The following ENPP6 variants were observed in gnomAD, a reference collection of about 807,000 sequenced individuals.
ENPP6 encodes ectonucleotide pyrophosphatase/phosphodiesterase 6, also known as glycerophosphocholine cholinephosphodiesterase ENPP6.
A neutral mutation model predicts 42.0 loss-of-function variants in ENPP6; 32 were observed. That is an observed-to-expected ratio of 0.76 (90% CI 0.58 to 1.02). The LOEUF (loss-of-function observed/expected upper bound fraction) is 1.02, where lower values mean the gene tolerates loss of function less well. Among genes scored for constraint, ENPP6 ranks in the 50% least tolerant of loss-of-function variants. The probability of loss-of-function intolerance (pLI) is 0.00; values close to 1 mark genes in which losing one functional copy is unlikely to be tolerated. For missense variants in ENPP6, 552 were observed against 566.8 expected, an observed-to-expected ratio of 0.97 and a Z score of 0.27; for synonymous variants, 213 against 216.0, an observed-to-expected ratio of 0.99 and a Z score of 0.12.
At chr4:184,131,163 T>TTC in intron 2 of ENPP6, among the ~76,000 whole-genome samples, 1 of 54,734 alleles carries the variant, frequency 1.8e-5, no homozygotes, top group African/African-American at 8.3e-5. Context: ...CTTTCTTTCT[T>TTC]TCTTTCTTTC....
intron 1 of ENPP6, among the ~76,000 whole-genome samples, chr4:184,164,219 G>A (rs977057207): frequency 9.2e-5 from 14 of 152,172 alleles, no homozygotes; most frequent in African/African-American, 2.9e-4. Flanking sequence ...GATACTCTCC[G>A]GGCTAGATTG....
intron 1 of ENPP6, among the ~76,000 whole-genome samples, chr4:184,175,988 T>A (rs1737556242): frequency 6.6e-6 from 1 of 152,128 alleles, no homozygotes; most frequent in South Asian, 2.1e-4. Flanking sequence ...GAGGTCTCAC[T>A]ATGTTGCCCA....
chr4:184,094,007 C>A (rs953331936), intron 7 of ENPP6, among the ~76,000 whole-genome samples: 1 of 152,044 alleles, frequency 6.6e-6, no homozygotes, highest in African/African-American at 2.4e-5. Context: ...TGGCTGGGCA[C>A]TATGGCTCAC....
chr4:184,212,130 T>C (rs1733123000), intron 1 of ENPP6, among the ~76,000 whole-genome samples: 1 of 151,864 alleles, frequency 6.6e-6, no homozygotes, highest in Non-Finnish European at 1.5e-5. Flanking sequence ...ACAGCCAATA[T>C]CATACTGAAT....
At chr4:184,143,492 G>A (rs112665106) in intron 2 of ENPP6, among the ~76,000 whole-genome samples, 1,593 of 152,284 alleles carry the variant, frequency 0.01, 30 homozygotes, top group South Asian at 0.038. Flanking sequence ...AATCAGCTCC[G>A]CCTCTGCCTC....
intron 2 of ENPP6, among the ~76,000 whole-genome samples, chr4:184,147,475 T>C (rs1736945889): frequency 6.6e-6 from 1 of 152,206 alleles, no homozygotes; most frequent in Admixed American, 6.5e-5. Flanking sequence ...TTCTCATTCA[T>C]TTCACGATCA....
rs1300066061 is a variant in ENPP6 at position 184,157,582 on chromosome 4, T to A, written c.242-3849A>T. 2.0e-5 allele frequency among the ~76,000 whole-genome samples: 3 copies of A among 150,674 alleles called. No homozygotes were observed. The East Asian group carries it at 5.8e-4, about 29-fold the overall frequency. On this transcript the variant is annotated intron_variant, in intron 1 of 7. Coordinates refer to ENST00000296741, the MANE Select transcript of ENPP6 (RefSeq NM_153343.4). ...CTTTCTTTCCTTTCTTTCCTTTTTT[T>A]CCTTCCTTTCCTTTCTTTCCTTCCT...
At chr4:184,201,135 C>G (rs547035425) in intron 1 of ENPP6, among the ~76,000 whole-genome samples, 4 of 152,194 alleles carry the variant, frequency 2.6e-5, no homozygotes, top group Admixed American at 2.6e-4. Context: ...ACCCCCAGCT[C>G]TGCCCCAGGT....
intron 2 of ENPP6, among the ~76,000 whole-genome samples, chr4:184,143,580 T>C (rs1736866902): frequency 6.6e-6 from 1 of 152,214 alleles, no homozygotes; most frequent in Non-Finnish European, 1.5e-5. Flanking sequence ...TCGTGGCCTC[T>C]CCCGCTGTGC....
At chr4:184,176,515 G>T (rs59926116) in intron 1 of ENPP6, among the ~76,000 whole-genome samples, 1 of 152,174 alleles carries the variant, frequency 6.6e-6, no homozygotes, top group East Asian at 1.9e-4. Context: ...GCAGTGTGCC[G>T]TATTGCATCT....
intron 7 of ENPP6, among the ~76,000 whole-genome samples, chr4:184,096,383 A>G (rs1735901975): frequency 6.6e-6 from 1 of 152,250 alleles, no homozygotes; most frequent in African/African-American, 2.4e-5. Context: ...GAATACAGGT[A>G]TCAGGGTAAG....
At chr4:184,148,051 T>C (rs1328700557) in intron 2 of ENPP6, among the ~76,000 whole-genome samples, 3 of 152,216 alleles carry the variant, frequency 2.0e-5, no homozygotes, top group African/African-American at 4.8e-5. Flanking sequence ...AGACTCCTTA[T>C]TAGATGATGT....
rs1457944085 is a variant in ENPP6 at position 184,131,255 on chromosome 4, T to C, written c.422-6983A>G. 1.8e-3 allele frequency among the ~76,000 whole-genome samples: 46 copies of C among 25,530 alleles called. 2 individuals carry two copies. Among genetic ancestry groups the C allele is most frequent in the African/African-American group, 3.4e-3 (20 of 5,928 alleles). 16.7% of individuals were successfully genotyped at this position (25,530 alleles called of 152,430 possible). A position where few individuals can be genotyped will look rare whatever the true frequency, so the allele number is the denominator to read the frequency against. ...CTTTCCTTTTCTTTCTTTCTTTCTC[T>C]TTCTCTTCCTTCCTTCCTTCCTTCC... On this transcript the variant is annotated intron_variant, in intron 2 of 7. Coordinates refer to ENST00000296741, the MANE Select transcript of ENPP6 (RefSeq NM_153343.4).
Position 184,091,252 on chromosome 4 carries a change from G to A in ENPP6, c.1248C>T (p.Gly416=). 1 of 1,607,586 alleles carries A rather than the reference G, an allele frequency of 6.2e-7. No homozygotes were observed. Residue 416 remains glycine (G), a synonymous_variant, in exon 8 of 8, where the codon GGC becomes GGT. Coordinates refer to ENST00000296741, the MANE Select transcript of ENPP6 (RefSeq NM_153343.4). ...SWSRVMCMLK[G]RASTAPPVWP... ...AGACAGGCGGGGCAGTGCTGGCGCG[G>A]CCCTTCAGCATGCACATCACCCTGG...
intron 1 of ENPP6, among the ~76,000 whole-genome samples, chr4:184,156,304 T>C (rs1737158127): frequency 2.0e-5 from 3 of 152,190 alleles, no homozygotes; most frequent in Admixed American, 6.5e-5. Context: ...CTGCAGTCTG[T>C]GCTTGGAACA....
intron 2 of ENPP6, among the ~76,000 whole-genome samples, chr4:184,136,644 A>G (rs1050572433): frequency 6.6e-6 from 1 of 152,178 alleles, no homozygotes; most frequent in Non-Finnish European, 1.5e-5. Flanking sequence ...CTGTTTTCTC[A>G]TATCATTTTG....
intron 1 of ENPP6, among the ~76,000 whole-genome samples, chr4:184,170,946 G>C (rs1737451438): frequency 6.6e-6 from 1 of 152,134 alleles, no homozygotes; most frequent in South Asian, 2.1e-4. Context: ...AGTGTTCTCT[G>C]AAACAGGCAG....
intron 2 of ENPP6, among the ~76,000 whole-genome samples, chr4:184,149,144 T>A (rs1311977413): frequency 2.0e-5 from 3 of 152,170 alleles, no homozygotes; most frequent in African/African-American, 7.2e-5. Context: ...CTGAAAAAAA[T>A]TCCAGTTTTT....
intron 5 of ENPP6, among the ~76,000 whole-genome samples, chr4:184,116,147 C>CG (rs925103986): frequency 1.3e-5 from 2 of 151,900 alleles, no homozygotes; most frequent in African/African-American, 4.8e-5. Flanking sequence ...GGCATGAACC[C>CG]GGGAGGCAAA....
Sources: gnomAD v4.1 joint callset for allele counts (sites outside exome capture counted in the v4.1 genomes callset) on GRCh38, gnomAD v4.1.1 for gene constraint, MANE v1.5 for transcripts, NCBI Gene and HGNC (gene_info 2026-07-23, HGNC 2026-07-21) for gene names.